NRXN1: variants seen among roughly 807,000 people sequenced by gnomAD.
NRXN1 encodes the protein neurexin 1.
Under a neutral mutation model 150.9 loss-of-function variants are expected in NRXN1, and 39 were observed. The ratio of observed to expected loss-of-function variants is 0.26; its 90% CI spans 0.20 to 0.34. The LOEUF (loss-of-function observed/expected upper bound fraction) is 0.34. Ranked by LOEUF, NRXN1 falls within the 10% of genes least tolerant of loss-of-function variation. NRXN1 has a pLI of 1.00. For synonymous variants in NRXN1, 924 were observed against 757.0 expected, an observed-to-expected ratio of 1.22 and a Z score of -3.62; for missense variants, 1,815 against 1,949.9, an observed-to-expected ratio of 0.93 and a Z score of 1.30.
At chr2:50,213,766 T>A (rs1380896783) in intron 18 of NRXN1, among the ~76,000 whole-genome samples, 1 of 151,910 alleles carries the variant, frequency 6.6e-6, no homozygotes, top group Admixed American at 6.6e-5. Context: ...CTTTGATGAT[T>A]TTATAATTTA....
Position 49,921,833 on chromosome 2 carries a change from C to T in NRXN1, c.*111G>A, listed in dbSNP as rs1558505772. The T allele has an allele frequency of 1.0e-5, 11 of 1,058,740 alleles. No homozygotes were observed. Among genetic ancestry groups the T allele is most frequent in the Middle Eastern group, 2.9e-4 (1 of 3,450 alleles). The allele number at this position is 1,058,740 out of a possible 1,614,324, so 65.6% of individuals were successfully genotyped here. The stretch of plus-strand genomic sequence containing the variant: ...AAAGTCTTTCCTTCCTGATTGCATT[C>T]CCTGTCTTCTTTTGTATGTGCTTCA... On this transcript the variant is annotated 3_prime_UTR_variant, in exon 23 of 23. Coordinates refer to ENST00000401669, the MANE Select transcript of NRXN1 (RefSeq NM_001330078.2).
chr2:50,036,010 A>G (rs1422630819), intron 21 of NRXN1, among the ~76,000 whole-genome samples: 1 of 152,172 alleles, frequency 6.6e-6, no homozygotes, highest in Non-Finnish European at 1.5e-5. Context: ...AGGAATGAAT[A>G]GCACAACCTT....
Position 50,463,059 on chromosome 2 carries a change from T to C in NRXN1, c.3364+2383A>G, listed in dbSNP as rs1027110875. ...AAATAAACTAGAGATGAAAATTTCA[T>C]TAAGAAGTGAAATGCCTTAAATGGC... On this transcript the variant is annotated intron_variant, in intron 17 of 22. Transcript: ENST00000401669. 4.0e-5 allele frequency among the ~76,000 whole-genome samples: 6 copies of C among 151,878 alleles called. No homozygotes were observed. In the South Asian group the frequency reaches 8.3e-4, roughly 21 times the overall value.
chr2:50,730,733 C>T (rs1697996478), intron 5 of NRXN1, among the ~76,000 whole-genome samples: 5 of 131,968 alleles, frequency 3.8e-5, no homozygotes, highest in African/African-American at 1.4e-4. Context: ...AGTGCAGTGG[C>T]GCGATCTGGG....
intron 5 of NRXN1, among the ~76,000 whole-genome samples, chr2:50,818,114 CAAAA>C (rs199675644): frequency 4.3e-5 from 2 of 46,714 alleles, no homozygotes; most frequent in African/African-American, 7.8e-5. Flanking sequence ...GACTCCATAG[CAAAA>C]AAAAAAAAAA....
At chr2:50,249,678 T>C (rs1401826171) in intron 17 of NRXN1, among the ~76,000 whole-genome samples, 3 of 151,502 alleles carry the variant, frequency 2.0e-5, no homozygotes, top group Non-Finnish European at 2.9e-5. Flanking sequence ...CACTCTGTTG[T>C]CAAGGCTGGA....
chr2:50,824,556 T>C (rs1280605260), intron 5 of NRXN1, among the ~76,000 whole-genome samples: 2 of 152,122 alleles, frequency 1.3e-5, no homozygotes, highest in Non-Finnish European at 2.9e-5. Flanking sequence ...TCCCTGAGAA[T>C]GGAATATGCT....
At chr2:50,049,124 G>T (rs1251065676) in intron 21 of NRXN1, among the ~76,000 whole-genome samples, 2 of 152,118 alleles carry the variant, frequency 1.3e-5, no homozygotes, top group Non-Finnish European at 2.9e-5. Context: ...TGGATATGCT[G>T]TAAAAGTAGA....
intron 5 of NRXN1, among the ~76,000 whole-genome samples, chr2:50,809,673 T>C (rs1667957728): frequency 6.6e-6 from 1 of 152,164 alleles, no homozygotes; most frequent in Non-Finnish European, 1.5e-5. Flanking sequence ...CTTCTGTGGA[T>C]AATCAGTTTA....
intron 21 of NRXN1, among the ~76,000 whole-genome samples, chr2:49,946,924 C>T (rs910539724): frequency 8.6e-5 from 13 of 152,022 alleles, no homozygotes; most frequent in South Asian, 2.1e-4. Flanking sequence ...CAGTGAAGAT[C>T]GTTAGCAATT....
Position 50,635,251 on chromosome 2 carries a change from G to A in NRXN1, c.833-11636C>T, listed in dbSNP as rs60129288. On this transcript the variant is annotated intron_variant, in intron 5 of 22. Coordinates refer to ENST00000401669, the MANE Select transcript of NRXN1 (RefSeq NM_001330078.2). ...CAGCTCACTGCAACCTCCACCTCCC[G>A]GGTTCACGCCATTCTCCTGCCTCAG... 8.4e-3 allele frequency among the ~76,000 whole-genome samples: 1,277 copies of A among 151,600 alleles called. 31 individuals carry two copies. Among genetic ancestry groups the A allele is most frequent in the East Asian group, 0.074 (382 of 5,132 alleles).
intron 19 of NRXN1, among the ~76,000 whole-genome samples, chr2:50,081,215 C>T (rs1023952892): frequency 6.6e-6 from 1 of 152,136 alleles, no homozygotes; most frequent in Non-Finnish European, 1.5e-5. Flanking sequence ...GATATTTTAT[C>T]CTTTTTGATA....
chr2:50,472,231 G>C lies in NRXN1; in HGVS notation c.3244+67C>G, dbSNP rs1573120346. 1.1e-5 allele frequency: 15 copies of C among 1,338,466 alleles called. No homozygotes were observed. The East Asian group carries it at 3.8e-4, about 34-fold the overall frequency. 82.9% of individuals were successfully genotyped at this position (1,338,466 alleles called of 1,614,324 possible). On this transcript the variant is annotated intron_variant, in intron 16 of 22. Transcript: ENST00000401669. ...AGTTATCAGAATTTTGCTGGACAGTGAGATTCACTCTCAGTTAGACAGGTG... is the reference window on the plus strand; with the variant it reads ...AGTTATCAGAATTTTGCTGGACAGTCAGATTCACTCTCAGTTAGACAGGTG...
intron 5 of NRXN1, among the ~76,000 whole-genome samples, chr2:50,788,500 C>T (rs769242246): frequency 1.4e-4 from 21 of 152,124 alleles, no homozygotes; most frequent in Admixed American, 5.9e-4. Context: ...TGGACAAGGA[C>T]AAGGTCATCA....
At chr2:50,273,382 C>G (rs1205867022) in intron 17 of NRXN1, among the ~76,000 whole-genome samples, 1 of 152,118 alleles carries the variant, frequency 6.6e-6, no homozygotes, top group Non-Finnish European at 1.5e-5. Flanking sequence ...TTCCATTTTC[C>G]ACTTTCTTTT....
intron 8 of NRXN1, among the ~76,000 whole-genome samples, chr2:50,562,051 C>T (rs1353903127): frequency 1.3e-5 from 2 of 152,096 alleles, no homozygotes; most frequent in Admixed American, 1.3e-4. Flanking sequence ...AAAAGTAGCA[C>T]TATTATTATT....
chr2:50,781,524 C>T (rs937611471), intron 5 of NRXN1, among the ~76,000 whole-genome samples: 2 of 152,196 alleles, frequency 1.3e-5, no homozygotes, highest in Admixed American at 1.3e-4. Context: ...CAAAGGCATT[C>T]AGCACTCAAA....
intron 5 of NRXN1, among the ~76,000 whole-genome samples, chr2:50,885,665 T>C (rs539235619): frequency 4.0e-4 from 61 of 151,536 alleles, no homozygotes; most frequent in African/African-American, 1.4e-3. Context: ...GAGAGCATCA[T>C]TAAAAATTCC....
chr2:50,344,055 G>A (rs190639495), intron 17 of NRXN1, among the ~76,000 whole-genome samples: 1 of 152,180 alleles, frequency 6.6e-6, no homozygotes, highest in African/African-American at 2.4e-5. Flanking sequence ...TAGGCTCAAG[G>A]GTTCTTTACT....
Sources: allele counts gnomAD v4.1 joint callset (sites outside exome capture counted in the v4.1 genomes callset), GRCh38; gene constraint gnomAD v4.1.1; transcripts MANE v1.5; gene names NCBI Gene and HGNC (gene_info 2026-07-23, HGNC 2026-07-21).